Variants in KLF17 observed in about 807,000 individuals in gnomAD.
KLF17 encodes KLF transcription factor 17.
Under a neutral mutation model 34.2 loss-of-function variants are expected in KLF17, and 31 were observed. That is an observed-to-expected ratio of 0.91 (90% CI 0.68 to 1.22). The LOEUF (loss-of-function observed/expected upper bound fraction) is 1.22. Among genes scored for constraint, KLF17 ranks in the 50% most tolerant of loss-of-function variants. The pLI, the probability that KLF17 is intolerant of heterozygous loss-of-function variation, is 0.00. For missense variants in KLF17, 478 were observed against 505.2 expected (o/e 0.95, Z 0.52); for synonymous variants, 179 against 186.7 (o/e 0.96, Z 0.34).
At chr1:44,076,033 AC>A in the KLF17 span, 1 of 152,198 alleles carries the variant, frequency 6.6e-6, no homozygotes, top group Non-Finnish European at 1.5e-5. Context: ...TCTTATTATG[AC>A]ACAAACTTCA....
chr1:44,098,576 A>G, the KLF17 span, among the ~76,000 whole-genome samples: 1 of 119,042 alleles, frequency 8.4e-6, no homozygotes, highest in African/African-American at 3.2e-5. Flanking sequence ...TCTGAGACTG[A>G]GTCTCGTCCT....
At chr1:44,113,297 A>G in the KLF17 span, among the ~76,000 whole-genome samples, 2 of 151,746 alleles carry the variant, frequency 1.3e-5, no homozygotes, top group Non-Finnish European at 2.9e-5. Context: ...CACTTTGAGT[A>G]GCACCAAAGA....
chr1:44,078,637 C>T, the KLF17 span, among the ~76,000 whole-genome samples: 4 of 152,062 alleles, frequency 2.6e-5, no homozygotes, highest in East Asian at 1.9e-4. Flanking sequence ...AGGGTTTCAC[C>T]GTGTTAGCCA....
the KLF17 span, among the ~76,000 whole-genome samples, chr1:44,045,541 G>A: frequency 6.6e-6 from 1 of 152,104 alleles, no homozygotes; most frequent in Non-Finnish European, 1.5e-5. Flanking sequence ...GGCTCATCAT[G>A]ACATCATGTT....
intron 1 of KLF17, among the ~76,000 whole-genome samples, chr1:44,120,109 T>C (rs905220679): frequency 2.2e-4 from 34 of 152,248 alleles, no homozygotes; most frequent in Middle Eastern, 6.8e-3. Flanking sequence ...TGGGTGACAA[T>C]AGTGACATTT....
At chr1:44,099,865 GAAAGAAAGA>G in the KLF17 span, among the ~76,000 whole-genome samples, 13 of 49,442 alleles carry the variant, frequency 2.6e-4, 2 homozygotes, top group African/African-American at 8.3e-4. Flanking sequence ...AAGAAAGAAA[GAAAGAAAGA>G]AAGAAAGAAA....
chr1:44,118,943 G>A lies in KLF17; in HGVS notation c.36G>A (p.Glu12=), dbSNP rs374921167. The change falls in exon 1 of 4, where the codon GAG becomes GAA. Residue 12 remains glutamate (E), a synonymous_variant. Coordinates refer to ENST00000372299, the MANE Select transcript of KLF17 (RefSeq NM_173484.4). ...GACCGCAGGCTGAGATGGAACAGGA[G>A]GCTGGGGAGCTGAGCCGGTGGCAGG... The part of the protein sequence containing the change: ...YGRPQAEMEQ[E]AGELSRWQAA... 110 of 1,612,508 alleles carry A rather than the reference G, an allele frequency of 6.8e-5. No individual in the cohort carries two copies. The African/African-American group carries it at 1.2e-3, about 18-fold the overall frequency.
intron 1 of KLF17, among the ~76,000 whole-genome samples, chr1:44,121,774 G>C (rs2154311421): frequency 6.6e-6 from 1 of 152,270 alleles, no homozygotes; most frequent in South Asian, 2.1e-4. Context: ...TGTATGGTAG[G>C]TTTCATCTTG....
At chr1:44,101,234 A>G in the KLF17 span, among the ~76,000 whole-genome samples, 1 of 149,262 alleles carries the variant, frequency 6.7e-6, no homozygotes, top group Non-Finnish European at 1.5e-5. Context: ...TTTCCTAAAA[A>G]CAAGGCCATT....
At chr1:44,091,919 A>C in the KLF17 span, among the ~76,000 whole-genome samples, 1 of 148,436 alleles carries the variant, frequency 6.7e-6, no homozygotes, top group Non-Finnish European at 1.5e-5. Flanking sequence ...GTCTCAAAAA[A>C]AAAAAAAACC....
chr1:44,104,049 G>A, the KLF17 span: 1 of 870,982 alleles, frequency 1.1e-6, no homozygotes, highest in East Asian at 2.4e-5. Context: ...CACCACAGAC[G>A]TGGCGGAGAT....
At chr1:44,059,019 C>T in the KLF17 span, among the ~76,000 whole-genome samples, 1 of 152,202 alleles carries the variant, frequency 6.6e-6, no homozygotes, top group East Asian at 1.9e-4. Context: ...ATGGAAGGGG[C>T]CGTATCAGGT....
At chr1:44,088,378 A>T in the KLF17 span, 1 of 152,342 alleles carries the variant, frequency 6.6e-6, no homozygotes, top group Non-Finnish European at 1.5e-5. Context: ...CGGCCTCCCA[A>T]AGTGTTGGGA....
the KLF17 span, among the ~76,000 whole-genome samples, chr1:44,056,337 G>T: frequency 5.9e-5 from 9 of 152,166 alleles, no homozygotes; most frequent in African/African-American, 2.2e-4. Flanking sequence ...AATATTGGGG[G>T]TATGTGCTCA....
At chr1:44,045,295 T>A in the KLF17 span, 1 of 152,386 alleles carries the variant, frequency 6.6e-6, no homozygotes, top group South Asian at 2.1e-4. Context: ...GGGACTGCCC[T>A]GGGAGCTAAT....
At chr1:44,053,378 G>A in the KLF17 span, among the ~76,000 whole-genome samples, 1 of 152,130 alleles carries the variant, frequency 6.6e-6, no homozygotes, top group Non-Finnish European at 1.5e-5. Flanking sequence ...AGCACATCAG[G>A]TATTGTAGAT....
chr1:44,067,579 C>T, the KLF17 span, among the ~76,000 whole-genome samples: 1 of 152,218 alleles, frequency 6.6e-6, no homozygotes. Flanking sequence ...CCTGGACCCA[C>T]AGGGAGCACT....
intron 1 of KLF17, among the ~76,000 whole-genome samples, chr1:44,127,035 C>A (rs1378213810): frequency 2.0e-5 from 3 of 151,138 alleles, no homozygotes; most frequent in Non-Finnish European, 2.9e-5. Context: ...TGGCTGGGAC[C>A]ACAGGCGCAT....
At chr1:44,059,103 T>C in the KLF17 span, among the ~76,000 whole-genome samples, 1 of 152,050 alleles carries the variant, frequency 6.6e-6, no homozygotes, top group Non-Finnish European at 1.5e-5. Context: ...GTTAAACCTG[T>C]TTCTTATGAG....
Sources: allele counts gnomAD v4.1 joint callset (sites outside exome capture counted in the v4.1 genomes callset), GRCh38; gene constraint gnomAD v4.1.1; transcripts MANE v1.5; gene names NCBI Gene and HGNC (gene_info 2026-07-23, HGNC 2026-07-21).